RP1: variants seen among roughly 807,000 people sequenced by gnomAD.
RP1 encodes the protein oxygen-regulated protein 1.
A neutral mutation model predicts 14.8 loss-of-function variants in RP1; 16 were observed. The ratio of observed to expected loss-of-function variants is 1.08; its 90% CI spans 0.73 to 1.65. The LOEUF (loss-of-function observed/expected upper bound fraction) is 1.65. Among genes scored for constraint, RP1 ranks in the 40% most tolerant of loss-of-function variants. The probability of loss-of-function intolerance (pLI) is 0.00; values close to 1 mark genes in which losing one functional copy is unlikely to be tolerated. For missense variants in RP1, 2,631 were observed against 2,535.0 expected, an observed-to-expected ratio of 1.04 and a Z score of -0.81; for synonymous variants, 876 against 883.6, an observed-to-expected ratio of 0.99 and a Z score of 0.15.
chr8:54,746,890 C>T (rs781100796), intron 19 of RP1, among the ~76,000 whole-genome samples: 2 of 151,940 alleles, frequency 1.3e-5, no homozygotes, highest in Non-Finnish European at 2.9e-5. Context: ...TTTTTGATTC[C>T]CTCATCCAAC....
chr8:54,794,553 A>G (rs538230319), intron 24 of RP1, among the ~76,000 whole-genome samples: 19 of 151,862 alleles, frequency 1.3e-4, no homozygotes, highest in African/African-American at 4.6e-4. Context: ...AAAGAATGAA[A>G]TTGGACCCAT....
At chr8:54,671,656 G>A (rs1266373946) in intron 7 of RP1, among the ~76,000 whole-genome samples, 4 of 152,024 alleles carry the variant, frequency 2.6e-5, no homozygotes, top group Non-Finnish European at 5.9e-5. Context: ...TATATTAACA[G>A]CTGTAGAATT....
chr8:54,815,974 G>A (rs1811124616), intron 24 of RP1, among the ~76,000 whole-genome samples: 1 of 152,156 alleles, frequency 6.6e-6, no homozygotes, highest in Non-Finnish European at 1.5e-5. Flanking sequence ...ATGTATCCCA[G>A]TTTGACTGTA....
intron 3 of RP1, among the ~76,000 whole-genome samples, chr8:54,645,829 G>A (rs78744860): frequency 0.011 from 1,664 of 152,148 alleles, 30 homozygotes; most frequent in African/African-American, 0.038. Flanking sequence ...AATATTTACA[G>A]TATAAATTTA....
rs76298302 is a variant in RP1 at position 54,642,933 on chromosome 8, T to C, written c.788-6052T>C. On this transcript the variant is annotated intron_variant, in intron 3 of 22. Coordinates refer to the RP1 transcript ENST00000636932. ...TGATAGATGAAAAACAATGTTTTGA[T>C]TTGCCTTTCTTCAGTTATAAGGGAG... 7.6e-3 allele frequency among the ~76,000 whole-genome samples: 1,163 copies of C among 152,270 alleles called. 20 individuals are homozygous for C. The highest frequency in any genetic ancestry group is 0.027 in the African/African-American group (1,104 of 41,558).
intron 24 of RP1, among the ~76,000 whole-genome samples, chr8:54,802,859 G>T (rs1057078641): frequency 6.6e-6 from 1 of 152,184 alleles, no homozygotes; most frequent in South Asian, 2.1e-4. Flanking sequence ...TTCTCTCTTG[G>T]GATTGGATGA....
intron 24 of RP1, among the ~76,000 whole-genome samples, chr8:54,784,555 T>C (rs1810271609): frequency 6.6e-6 from 1 of 152,148 alleles, no homozygotes; most frequent in Non-Finnish European, 1.5e-5. Context: ...TCTTATTTTT[T>C]TAACCAAAGC....
chr8:54,561,595 G>A, intron 1 of RP1: 1 of 152,190 alleles, frequency 6.6e-6, no homozygotes, highest in Non-Finnish European at 1.5e-5. Flanking sequence ...AAGTCATAGA[G>A]AAAGTGAACA....
chr8:54,603,469 C>T (rs1333697930), intron 1 of RP1, among the ~76,000 whole-genome samples: 3 of 152,096 alleles, frequency 2.0e-5, no homozygotes, highest in Non-Finnish European at 2.9e-5. Context: ...AGTCAGGTAG[C>T]GTGGTGCCTC....
intron 1 of RP1, among the ~76,000 whole-genome samples, chr8:54,563,098 CAG>C (rs374741167): frequency 2.4e-4 from 36 of 149,840 alleles, no homozygotes; most frequent in Non-Finnish European, 2.5e-4. Context: ...ATCAGCTCTT[CAG>C]AGAGAGAGAG....
rs954948654 is a variant in RP1 at position 54,679,346 on chromosome 8, C to T, written c.1479-74C>T. The T allele has an allele frequency of 2.3e-6, 3 of 1,303,846 alleles. No individual in the cohort carries two copies. The African/African-American group carries it at 4.4e-5, about 19-fold the overall frequency. 80.8% of individuals were successfully genotyped at this position (1,303,846 alleles called of 1,614,324 possible). On this transcript the variant is annotated intron_variant, in intron 9 of 22. Transcript: ENST00000636932. Reference sequence around the variant, plus strand: ...CTTTCCTGCTATCTTGTATTTCTGACTTGGGAAGATAATTGCCAATGGTTA... The same window carrying T: ...CTTTCCTGCTATCTTGTATTTCTGATTTGGGAAGATAATTGCCAATGGTTA...
At chr8:54,606,917 G>A (rs1248887980) in intron 1 of RP1, among the ~76,000 whole-genome samples, 2 of 151,662 alleles carry the variant, frequency 1.3e-5, no homozygotes, top group Non-Finnish European at 2.9e-5. Context: ...GGACTTCTCT[G>A]TATTGGTTAT....
At chr8:54,656,883 A>G (rs1326573873) in intron 6 of RP1, among the ~76,000 whole-genome samples, 1 of 151,660 alleles carries the variant, frequency 6.6e-6, no homozygotes, top group South Asian at 2.1e-4. Flanking sequence ...ATGTTCTGTT[A>G]AAAATGTGAT....
At chr8:54,568,410 T>G (rs1485874478) in intron 1 of RP1, among the ~76,000 whole-genome samples, 1 of 152,240 alleles carries the variant, frequency 6.6e-6, no homozygotes, top group African/African-American at 2.4e-5. Flanking sequence ...TGGCCAGAAC[T>G]GGTGGTAGTG....
chr8:54,791,080 A>G (rs1293143245), intron 24 of RP1, among the ~76,000 whole-genome samples: 2 of 152,164 alleles, frequency 1.3e-5, no homozygotes, highest in African/African-American at 4.8e-5. Flanking sequence ...AATGAAAGAC[A>G]AAGAGAATTT....
At chr8:54,799,284 C>A (rs911557975) in intron 24 of RP1, among the ~76,000 whole-genome samples, 3 of 151,932 alleles carry the variant, frequency 2.0e-5, no homozygotes, top group African/African-American at 7.2e-5. Context: ...TACATTCATT[C>A]AAAAAACATT....
At chr8:54,856,017 C>A (rs76062278) in intron 26 of RP1, among the ~76,000 whole-genome samples, 26 of 151,358 alleles carry the variant, frequency 1.7e-4, no homozygotes, top group African/African-American at 5.3e-4. Context: ...ATGCAGATAT[C>A]ATGAAAAGAC....
rs769688748 is a variant in RP1 at position 54,628,909 on chromosome 8, A to C, written c.5027A>C (p.Glu1676Ala). ...AGGAAAGCAAGTCTTTATGATTCTGAAGGGCAGTCATTTGGCTCTTCTGAA... is the reference window on the plus strand; with the variant it reads ...AGGAAAGCAAGTCTTTATGATTCTGCAGGGCAGTCATTTGGCTCTTCTGAA... ...CSRKASLYDS[E>A]GQSFGSSEQV... Residue 1676 changes from glutamate to alanine, a missense_variant, in exon 4 of 4, where the codon GAA becomes GCA. Transcript: ENST00000220676. The C allele has an allele frequency of 1.9e-6, 3 of 1,613,980 alleles. No individual in the cohort carries two copies. The highest frequency in any genetic ancestry group is 3.3e-5 in the Admixed American group (2 of 60,012).
Position 54,601,500 on chromosome 8 carries a change from C to T in RP1, c.-12-19455C>T, listed in dbSNP as rs187040191. Reference sequence around the variant, plus strand: ...TGACGAGTTAGTGGGTGCAGCGCACCAGCATGTCACATGTATACATATGTA... The same window carrying T: ...TGACGAGTTAGTGGGTGCAGCGCACTAGCATGTCACATGTATACATATGTA... On this transcript the variant is annotated intron_variant, in intron 1 of 22. Transcript: ENST00000636932. Among the ~76,000 whole-genome samples the T allele has an allele frequency of 2.3e-3, 337 of 147,962 alleles. 1 individual carries two copies. Among genetic ancestry groups the T allele is most frequent in the Non-Finnish European group, 3.7e-3 (248 of 67,556 alleles).
Sources: gnomAD v4.1 joint callset for allele counts (sites outside exome capture counted in the v4.1 genomes callset) on GRCh38, gnomAD v4.1.1 for gene constraint, MANE v1.5 for transcripts, NCBI Gene and HGNC (gene_info 2026-07-23, HGNC 2026-07-21) for gene names.